Variants in NOBOX observed in about 807,000 individuals in gnomAD.
The protein encoded by NOBOX is NOBOX oogenesis homeobox.
A neutral mutation model predicts 60.2 loss-of-function variants in NOBOX; 46 were observed. The ratio of observed to expected loss-of-function variants is 0.76; its 90% confidence interval spans 0.60 to 0.98. NOBOX has a LOEUF of 0.98. Among genes scored for constraint, NOBOX ranks in the 50% least tolerant of loss-of-function variants. The pLI, the probability that NOBOX is intolerant of heterozygous loss-of-function variation, is 0.00. For synonymous variants in NOBOX, 360 were observed against 346.3 expected, an observed-to-expected ratio of 1.04 and a Z score of -0.44; for missense variants, 880 against 865.5, an observed-to-expected ratio of 1.02 and a Z score of -0.21.
chr7:144,400,991 A>G (rs2053933519), intron 4 of NOBOX, 55 bp downstream of exon 2: 2 of 1,408,002 alleles, frequency 1.4e-6, no homozygotes, highest in African/African-American at 2.9e-5. Context: ...ACACAGCCCC[A>G]CCTTTCCCCA....
Position 144,401,940 on chromosome 7 carries a change from T to C in NOBOX, c.221A>G (p.Asp74Gly), listed in dbSNP as rs368285049. 1.2e-5 allele frequency: 20 copies of C among 1,611,760 alleles called. No homozygotes were observed. In the African/African-American group the frequency reaches 2.5e-4, roughly 20 times the overall value. ...GGACTGTTCAGGTATCTCTAAGGGA[T>C]CATGTTGGGGCTGCGGATGGACCAG... Residue 74 changes from aspartate to glycine, a missense_variant, in exon 3 of 10, where the codon GAT becomes GGT. Asp to Gly is a moderately conservative substitution (Grantham distance 94, BLOSUM62 -1). Coordinates refer to ENST00000467773, the MANE Select transcript of NOBOX (RefSeq NM_001080413.3). The surrounding 1 kb of genome is among the most constrained non-coding windows in gnomAD (Gnocchi z 4.2).
At position 144,397,424 on chromosome 7, in the gene NOBOX, G is replaced by GT. The variant is rs1363373990; in HGVS notation, c.1891dup (p.Thr631AsnfsTer20). ...CCTGCCCAGAGCCTGGGGGCAGGGAGTTGGAAATAGATCAGGAAAGTAGCC... is the reference window on the plus strand; with the variant it reads ...CCTGCCCAGAGCCTGGGGGCAGGGAGTTTGGAAATAGATCAGGAAAGTAGCC... On this transcript the variant is annotated frameshift_variant, in exon 10 of 10. Coordinates refer to ENST00000467773, the MANE Select transcript of NOBOX (RefSeq NM_001080413.3). LOFTEE classifies it low-confidence loss of function (END_TRUNC). 2.6e-6 allele frequency: 4 copies of GT among 1,537,264 alleles called. No homozygotes were observed. Among genetic ancestry groups the GT allele is most frequent in the Non-Finnish European group, 3.5e-6 (4 of 1,146,908 alleles).
chr7:144,398,297 G>T lies in NOBOX; in HGVS notation c.1759C>A (p.Pro587Thr), dbSNP rs1332207318. The stretch of plus-strand genomic sequence containing the variant: ...CTCAACTCACCTATATTCCCAGCAG[G>T]TGGTTGCATCAGGATCTGTCCTGAG... The change falls in exon 9 of 10, where the codon CCT becomes ACT. Residue 587 changes from proline (P) to threonine (T), a missense_variant. By Grantham distance (38) the Pro-to-Thr change is conservative. Coordinates refer to ENST00000467773, the MANE Select transcript of NOBOX (RefSeq NM_001080413.3). The T allele has an allele frequency of 6.5e-7, 1 of 1,537,152 alleles. No individual in the cohort carries two copies. Among genetic ancestry groups the T allele is most frequent in the African/African-American group, 1.4e-5 (1 of 73,042 alleles).
intron 4 of NOBOX, 52 bp downstream of exon 2, chr7:144,400,994 T>A (rs775085989): frequency 7.9e-5 from 113 of 1,422,014 alleles, no homozygotes; most frequent in Non-Finnish European, 1.0e-4. Flanking sequence ...CAGCCCCACC[T>A]TTCCCCAGGA....
intron 2 of NOBOX, among the ~76,000 whole-genome samples, 168 bp downstream of exon 1, chr7:144,403,489 G>C (rs554648000): frequency 1.8e-4 from 27 of 151,914 alleles, no homozygotes; most frequent in Admixed American, 1.2e-3. Context: ...CAAAGCACAG[G>C]GGGCAGTGAG....
At chr7:144,406,060 C>A (rs2053983157) in intron 1 of NOBOX, among the ~76,000 whole-genome samples, 1 of 152,166 alleles carries the variant, frequency 6.6e-6, no homozygotes, top group Admixed American at 6.5e-5. Flanking sequence ...TATCCTGTCA[C>A]ATTAAACTGA....
chr7:144,405,899 T>C (rs1299258112), intron 1 of NOBOX, among the ~76,000 whole-genome samples: 1 of 152,134 alleles, frequency 6.6e-6, no homozygotes, highest in Non-Finnish European at 1.5e-5. Context: ...TTTTAGACTT[T>C]GCAAAAACTA....
At position 144,400,037 on chromosome 7, in the gene NOBOX, A is replaced by G. The variant is rs1383666774; in HGVS notation, c.1047+73T>C. On this transcript the variant is annotated intron_variant, in intron 5 of 9. Transcript: ENST00000467773. ...GTCTCTGCAGTGCCTTCCTCTCCTA[A>G]TGCTCTCAGGCTGTGGCACTCTGGA... is the stretch of plus-strand genomic sequence containing the variant. 5.3e-6 allele frequency: 8 copies of G among 1,498,236 alleles called. No homozygotes were observed. In the East Asian group the frequency reaches 1.8e-4, roughly 34 times the overall value. The allele number at this position is 1,498,236 out of a possible 1,614,324, so 92.8% of individuals were successfully genotyped here.
At chr7:144,408,605 G>A (rs2054001645) in intron 1 of NOBOX, among the ~76,000 whole-genome samples, 2 of 152,142 alleles carry the variant, frequency 1.3e-5, no homozygotes, top group Non-Finnish European at 2.9e-5. Flanking sequence ...ATACTTCTCC[G>A]AAGGTGACAG....
At position 144,401,126 on chromosome 7, in the gene NOBOX, T is replaced by C. The variant is rs1170604276; in HGVS notation, c.764A>G (p.Asn255Ser). The C allele has an allele frequency of 6.3e-7, 1 of 1,575,270 alleles. No individual in the cohort carries two copies. The highest frequency in any genetic ancestry group is 8.6e-7 in the Non-Finnish European group (1 of 1,161,760). The stretch of plus-strand genomic sequence containing the variant: ...CCCCTGCTTGTGGTCTCTGTTTTGG[T>C]TGCTCTGCGCCAATGTACTGAGGAG... The change falls in exon 4 of 10, where the codon AAC becomes AGC. Residue 255 changes from asparagine to serine, a missense_variant. By Grantham distance (46) the Asn-to-Ser change is conservative. Transcript: ENST00000467773. The surrounding 1 kb of genome is among the most constrained non-coding windows in gnomAD (Gnocchi z 4.2).
intron 2 of NOBOX, among the ~76,000 whole-genome samples, chr7:144,403,080 T>A (rs749926452): frequency 2.0e-5 from 3 of 151,974 alleles, no homozygotes; most frequent in Non-Finnish European, 4.4e-5. Flanking sequence ...TGTAACAGAG[T>A]GTCAAGGAAA....
At chr7:144,404,798 T>C in intron 1 of NOBOX, 2 of 1,171,136 alleles carry the variant, frequency 1.7e-6, no homozygotes, top group South Asian at 1.5e-5. Flanking sequence ...TTATGATTCC[T>C]GGTTCACGGA....
In NOBOX at chr7:144,401,006, G is replaced by A. The variant is rs373391250; in HGVS notation, c.844+40C>T. 2.1e-6 allele frequency: 3 copies of A among 1,434,306 alleles called. No individual in the cohort carries two copies. In the African/African-American group the frequency reaches 4.3e-5, roughly 20 times the overall value. The allele number at this position is 1,434,306 out of a possible 1,614,324, so 88.8% of individuals were successfully genotyped here. A position where few individuals can be genotyped will look rare whatever the true frequency, so the allele number is the denominator to read the frequency against. On this transcript the variant is annotated intron_variant, in intron 4 of 9. Transcript: ENST00000467773. This position sits in a 1 kb window ranked among gnomAD's most constrained non-coding sequence, Gnocchi z 4.2. Reference sequence around the variant, plus strand: ...ACACAGCCCCACCTTTCCCCAGGATGACCCCAGATCTCTTCGGTTTCCTCT... The same window carrying A: ...ACACAGCCCCACCTTTCCCCAGGATAACCCCAGATCTCTTCGGTTTCCTCT...
At chr7:144,397,230 G>T, downstream of NOBOX, 2 of 1,520,842 alleles carry the variant, frequency 1.3e-6, no homozygotes, top group South Asian at 1.2e-5. Flanking sequence ...TTCACTCTTT[G>T]ACCCCCCAAC....
rs755526050 is a variant in NOBOX, at chr7:144,401,357, G to A, written c.533C>T (p.Pro178Leu). 16 of 1,613,844 alleles carry A rather than the reference G, an allele frequency of 9.9e-6. No individual in the cohort carries two copies. In the East Asian group the frequency reaches 2.9e-4, roughly 29 times the overall value. The change falls in exon 4 of 10, where the codon CCC becomes CTC. Residue 178 changes from proline (P) to leucine (L), a missense_variant. Physicochemically the swap from Pro to Leu is moderately conservative, Grantham distance 98 (BLOSUM62 -3). Coordinates refer to ENST00000467773, the MANE Select transcript of NOBOX (RefSeq NM_001080413.3). The surrounding 1 kb of genome is among the most constrained non-coding windows in gnomAD (Gnocchi z 4.2). ...GGAACAATCTTCCCCCTGAGTCTGGGGCCTGGAGCGGGCTAGAGTTCTGTC... is the reference window on the plus strand; with the variant it reads ...GGAACAATCTTCCCCCTGAGTCTGGAGCCTGGAGCGGGCTAGAGTTCTGTC...
chr7:144,404,708 T>C, intron 1 of NOBOX: 1 of 1,608,976 alleles, frequency 6.2e-7, no homozygotes, highest in South Asian at 1.1e-5. Flanking sequence ...GTTACTGTGT[T>C]TCCATCCATT....
Position 144,401,043 on chromosome 7 carries a change from T to C in NOBOX, c.844+3A>G. ...CTTCGGTTTCCTCTCTTTAGGGACT[T>C]ACCTGAGCGGTATAGGGTTCGTGTC... On this transcript the variant is annotated splice_donor_region_variant and intron_variant, in intron 4 of 9. Coordinates refer to ENST00000467773, the MANE Select transcript of NOBOX (RefSeq NM_001080413.3). This position sits in a 1 kb window ranked among gnomAD's most constrained non-coding sequence, Gnocchi z 4.2. 6.6e-7 allele frequency: 1 copy of C among 1,511,156 alleles called. No homozygotes were observed. Among genetic ancestry groups the C allele is most frequent in the South Asian group, 1.4e-5 (1 of 71,394 alleles). 93.6% of individuals were successfully genotyped at this position (1,511,156 alleles called of 1,614,324 possible). A position where few individuals can be genotyped will look rare whatever the true frequency, so the allele number is the denominator to read the frequency against.
intron 4 of NOBOX, 58 bp from the exon 3 acceptor site, chr7:144,400,370 A>G (rs2053928972): frequency 6.7e-7 from 1 of 1,499,362 alleles, no homozygotes; most frequent in African/African-American, 1.4e-5. Flanking sequence ...GTAGGTGAAG[A>G]GAAAGAGAGG....
Position 144,401,674 on chromosome 7 carries a change from G to T in NOBOX, c.293-77C>A. On this transcript the variant is annotated intron_variant, in intron 3 of 9. Transcript: ENST00000467773. This position sits in a 1 kb window ranked among gnomAD's most constrained non-coding sequence, Gnocchi z 4.2. ...GGACCAAGAGGAAGTGCTGCTTCCT[G>T]CTTTGCAAACGGTTTGATCTTAAGC... 1 of 1,388,470 alleles carries T rather than the reference G, an allele frequency of 7.2e-7. No individual in the cohort carries two copies. The highest frequency in any genetic ancestry group is 9.6e-7 in the Non-Finnish European group (1 of 1,036,798). 86.0% of individuals were successfully genotyped at this position (1,388,470 alleles called of 1,614,324 possible).
Sources: allele counts gnomAD v4.1 joint callset (sites outside exome capture counted in the v4.1 genomes callset), GRCh38; gene constraint gnomAD v4.1.1; non-coding constraint Gnocchi (gnomAD v3.1); transcripts MANE v1.5; gene names NCBI Gene and HGNC (gene_info 2026-07-23, HGNC 2026-07-21).